SEC14L5: variants seen among roughly 807,000 people sequenced by gnomAD.
SEC14L5 encodes the protein SEC14-like protein 5.
SEC14L5 carries 96 observed loss-of-function variants against 84.6 expected under a neutral mutation model. The observed-to-expected ratio is 1.13, with a 90% CI of 0.96 to 1.34. The LOEUF (loss-of-function observed/expected upper bound fraction) is 1.34. SEC14L5 is among the 40% of genes most tolerant of loss of function. The pLI is 0.00. For missense variants in SEC14L5, 1,224 were observed against 942.5 expected (o/e 1.30, Z -3.91); for synonymous variants, 546 against 383.4 (o/e 1.42, Z -4.95).
chr16:4,965,387 C>T (rs547922588), intron 2 of SEC14L5, among the ~76,000 whole-genome samples: 136 of 152,152 alleles, frequency 8.9e-4, no homozygotes, highest in African/African-American at 2.9e-3. Flanking sequence ...GTTGGCCAGG[C>T]GCGGTGGCTC....
intron 14 of SEC14L5, 109 bp downstream of exon 14, chr16:5,008,757 G>C (rs950388579): frequency 1.0e-6 from 1 of 955,598 alleles, no homozygotes; most frequent in African/African-American, 1.7e-5. Flanking sequence ...CTGGTCCCCA[G>C]CCTCAGGGAC....
rs377730309 is a variant in SEC14L5 at position 4,991,981 on chromosome 16, C to T, written c.618C>T (p.His206=). The T allele has an allele frequency of 1.9e-5, 30 of 1,587,060 alleles. No individual in the cohort carries two copies. The highest frequency in any genetic ancestry group is 3.3e-4 in the Middle Eastern group (2 of 5,984). ...GGGACCCCAGCTCCCTGGAGGCCCA[C>T]GGGCCCCGTAGCACCCTGGGGCCCG... ...GPRDPSSLEA[H]GPRSTLGPAL... The change falls in exon 6 of 16, where the codon CAC becomes CAT. Residue 206 remains histidine, a synonymous_variant. Transcript: ENST00000251170.
At chr16:4,966,015 C>G (rs1265704241) in intron 2 of SEC14L5, among the ~76,000 whole-genome samples, 1 of 152,072 alleles carries the variant, frequency 6.6e-6, no homozygotes, top group Admixed American at 6.6e-5. Context: ...GCAGTCCACC[C>G]TGGGCAACAG....
rs1166675121 is a variant in SEC14L5 at position 4,987,707 on chromosome 16, G to A, written c.213+1G>A. The A allele has an allele frequency of 1.3e-6, 2 of 1,514,342 alleles. No individual in the cohort carries two copies. Among genetic ancestry groups the A allele is most frequent in the Admixed American group, 4.2e-5 (2 of 48,042 alleles). The allele number at this position is 1,514,342 out of a possible 1,614,324, so 93.8% of individuals were successfully genotyped here. ...GGACGCCCCGCGGCTGCTGCGGAAG[G>A]TGGGCGGCCCTGGGGCTGGGGGGCG... On this transcript the variant is annotated splice_donor_variant, in intron 3 of 15. Coordinates refer to ENST00000251170, the MANE Select transcript of SEC14L5 (RefSeq NM_014692.2). LOFTEE classifies it high-confidence loss of function.
At chr16:4,996,241 C>T in intron 6 of SEC14L5, 107 bp from the exon 7 acceptor site, 1 of 684,974 alleles carries the variant, frequency 1.5e-6, no homozygotes, top group South Asian at 2.0e-5. Flanking sequence ...GGTTTGGAAC[C>T]ACGTTTTAGA....
intron 13 of SEC14L5, 26 bp from the exon 14 acceptor site, chr16:5,008,395 C>G (rs1955757856): frequency 6.4e-7 from 1 of 1,561,752 alleles, no homozygotes; most frequent in African/African-American, 1.4e-5. Flanking sequence ...GGCCGTGACT[C>G]TCAGACCTCG....
At chr16:4,980,912 C>A (rs770014052) in intron 2 of SEC14L5, among the ~76,000 whole-genome samples, 1 of 152,066 alleles carries the variant, frequency 6.6e-6, no homozygotes, top group African/African-American at 2.4e-5. Flanking sequence ...AATTGATCAG[C>A]GTTCCAAGCA....
At chr16:4,988,416 C>A in intron 4 of SEC14L5, 136 bp downstream of exon 4, 2 of 1,089,532 alleles carry the variant, frequency 1.8e-6, no homozygotes, top group Non-Finnish European at 2.6e-6. Flanking sequence ...AAGAAAGATG[C>A]AGGATGCTTG....
intron 15 of SEC14L5, 110 bp from the exon 16 acceptor site, chr16:5,014,749 G>T: frequency 1.3e-6 from 1 of 763,322 alleles, no homozygotes; most frequent in Non-Finnish European, 2.2e-6. Context: ...GCATCGGCCT[G>T]GGGCCCTGGG....
intron 2 of SEC14L5, among the ~76,000 whole-genome samples, chr16:4,986,419 C>T (rs769759266): frequency 5.9e-5 from 9 of 152,160 alleles, no homozygotes; most frequent in Non-Finnish European, 1.2e-4. Context: ...GGATTGTATG[C>T]GTGAGCCACC....
intron 2 of SEC14L5, among the ~76,000 whole-genome samples, chr16:4,982,950 T>C (rs1313244874): frequency 6.6e-6 from 1 of 152,104 alleles, no homozygotes; most frequent in African/African-American, 2.4e-5. Flanking sequence ...AATTATGTAA[T>C]AGATATATTC....
Position 4,972,602 on chromosome 16 carries a change from C to T in SEC14L5, c.63+13216C>T, listed in dbSNP as rs762503466. On this transcript the variant is annotated intron_variant, in intron 2 of 15. Transcript: ENST00000251170. ...TCATACAATAGTTGTCCTTTTGTCT[C>T]TGGCTCGTTTCACTGGACACAATGT... 4.6e-5 allele frequency among the ~76,000 whole-genome samples: 7 copies of T among 152,224 alleles called. 1 individual carries two copies. The highest frequency in any genetic ancestry group is 4.6e-4 in the Admixed American group (7 of 15,272).
intron 9 of SEC14L5, 46 bp downstream of exon 9, chr16:5,000,789 C>A (rs753946953): frequency 1.6e-5 from 25 of 1,560,350 alleles, no homozygotes; most frequent in Non-Finnish European, 2.2e-5. Flanking sequence ...GGGGCCGGGC[C>A]TGGGAAGGAC....
intron 1 of SEC14L5, 41 bp from the exon 2 acceptor site, chr16:4,959,232 G>A (rs1170177984): frequency 1.0e-6 from 1 of 961,832 alleles, no homozygotes; most frequent in African/African-American, 1.6e-5. Context: ...CCTGCTTCCC[G>A]AGGTGGGAGC....
In SEC14L5 at chr16:5,017,064, C is replaced by T; in HGVS notation, c.*2094C>T. ...TTTCTCTTAAAAACTAGGTGTTATC[C>T]TACAAGTATGCTGGGATAAGCTGCC... is the stretch of plus-strand genomic sequence containing the variant. On this transcript the variant is annotated 3_prime_UTR_variant, in exon 16 of 16. Transcript: ENST00000251170. 6.6e-6 allele frequency: 1 copy of T among 152,022 alleles called. No homozygotes were observed. The highest frequency in any genetic ancestry group is 1.9e-4 in the East Asian group (1 of 5,184). The allele number at this position is 152,022 out of a possible 1,614,324, so 9.4% of individuals were successfully genotyped here.
Position 4,987,653 on chromosome 16 carries a change from G to GT in SEC14L5, c.161dup (p.Val55GlyfsTer22). On this transcript the variant is annotated frameshift_variant, in exon 3 of 16. Transcript: ENST00000251170. LOFTEE classifies it high-confidence loss of function. ...CCGCAGCCCGGACGGGGCTGTGCAC[G>GT]TGGTGGAGCGGAGCTGCCGGCTGCG... is the stretch of plus-strand genomic sequence containing the variant. 16 of 1,551,642 alleles carry GT rather than the reference G, an allele frequency of 1.0e-5. No individual in the cohort carries two copies. The highest frequency in any genetic ancestry group is 1.4e-5 in the Non-Finnish European group (16 of 1,150,106).
intron 15 of SEC14L5, among the ~76,000 whole-genome samples, chr16:5,012,935 A>G (rs1288209821): frequency 1.4e-5 from 2 of 141,718 alleles, no homozygotes; most frequent in Non-Finnish European, 3.1e-5. Flanking sequence ...GAGACTGGGT[A>G]ATTTATAAAG....
At chr16:4,998,534 C>A (rs947314316) in intron 8 of SEC14L5, among the ~76,000 whole-genome samples, 9 of 148,758 alleles carry the variant, frequency 6.1e-5, no homozygotes, top group African/African-American at 2.2e-4. Context: ...GTCAGGAGAT[C>A]GAGACCATCC....
rs760094262 is a variant in SEC14L5 at position 5,018,560 on chromosome 16, G to A, written c.*3590G>A. 1.2e-4 allele frequency: 19 copies of A among 152,152 alleles called. 1 individual carries two copies. The highest frequency in any genetic ancestry group is 1.2e-3 in the Admixed American group (19 of 15,266). 9.4% of individuals were successfully genotyped at this position (152,152 alleles called of 1,614,324 possible). ...TGCGTGCCTATAGTCTCAGCTGCTC[G>A]GGAGGCTGAGGCAGAAGGATTGCTT... On this transcript the variant is annotated 3_prime_UTR_variant, in exon 16 of 16. Transcript: ENST00000251170.
Sources: allele counts gnomAD v4.1 joint callset (sites outside exome capture counted in the v4.1 genomes callset), GRCh38; gene constraint gnomAD v4.1.1; transcripts MANE v1.5; gene names NCBI Gene and HGNC (gene_info 2026-07-23, HGNC 2026-07-21).